Variants in YAP1 observed in about 807,000 individuals in gnomAD.
YAP1 encodes transcriptional coactivator YAP1.
Under a neutral mutation model 56.9 loss-of-function variants are expected in YAP1, and 5 were observed. The observed-to-expected ratio is 0.09, with a 90% CI of 0.05 to 0.18. The LOEUF (loss-of-function observed/expected upper bound fraction) is 0.18. YAP1 is among the 10% of genes least tolerant of loss of function. The pLI is 1.00. For missense variants in YAP1, 539 were observed against 651.8 expected (o/e 0.83, Z 1.88); for synonymous variants, 265 against 248.1 (o/e 1.07, Z -0.64).
intron 6 of YAP1, among the ~76,000 whole-genome samples, chr11:102,217,201 A>C (rs759545095): frequency 2.6e-5 from 4 of 152,202 alleles, no homozygotes; most frequent in Admixed American, 6.5e-5. Flanking sequence ...AATTTCCCAG[A>C]AGTCAAAAAA....
intron 2 of YAP1, among the ~76,000 whole-genome samples, chr11:102,117,944 A>G (rs903325253): frequency 2.0e-5 from 3 of 152,194 alleles, no homozygotes; most frequent in Non-Finnish European, 2.9e-5. Flanking sequence ...TAGTTGGTCA[A>G]CAACTTCCTA....
intron 3 of YAP1, among the ~76,000 whole-genome samples, chr11:102,183,413 T>G (rs1283315509): frequency 6.6e-6 from 1 of 152,128 alleles, no homozygotes; most frequent in Non-Finnish European, 1.5e-5. Flanking sequence ...AATGACATGT[T>G]TAAAAGATGA....
At chr11:102,172,861 A>G (rs1946997643) in intron 3 of YAP1, among the ~76,000 whole-genome samples, 1 of 152,166 alleles carries the variant, frequency 6.6e-6, no homozygotes, top group African/African-American at 2.4e-5. Context: ...CCATGTGAAT[A>G]TCTGGGGAAG....
At chr11:102,142,762 T>C (rs538802832) in intron 2 of YAP1, among the ~76,000 whole-genome samples, 1 of 152,374 alleles carries the variant, frequency 6.6e-6, no homozygotes, top group African/African-American at 2.4e-5. Context: ...AATTTTTTTT[T>C]ATTTTATGAG....
At chr11:102,210,447 G>A (rs1949341540) in intron 6 of YAP1, among the ~76,000 whole-genome samples, 2 of 152,186 alleles carry the variant, frequency 1.3e-5, no homozygotes, top group Admixed American at 1.3e-4. Flanking sequence ...TTGTCCGTTG[G>A]AGCACCATGA....
intron 2 of YAP1, among the ~76,000 whole-genome samples, chr11:102,144,879 TACA>T (rs1945236299): frequency 2.8e-5 from 1 of 35,748 alleles, no homozygotes; most frequent in South Asian, 3.1e-3. Context: ...CACACACACA[TACA>T]CACACTCATG....
intron 2 of YAP1, among the ~76,000 whole-genome samples, chr11:102,125,626 A>T (rs1004431055): frequency 6.6e-6 from 1 of 151,692 alleles, no homozygotes; most frequent in Non-Finnish European, 1.5e-5. Context: ...TGATCCGCCT[A>T]CCTCAGCCTC....
chr11:102,207,021 T>C lies in YAP1; in HGVS notation c.984+947T>C, dbSNP rs113159606. ...TGTTGGTTTTTATGTTCCTAATATA[T>C]ATAATTAATCTCAACATTAATTTTT... On this transcript the variant is annotated intron_variant, in intron 5 of 8. Transcript: ENST00000282441. Among the ~76,000 whole-genome samples, 881 of 152,330 alleles carry C rather than the reference T, an allele frequency of 5.8e-3. 8 individuals carry two copies. Among genetic ancestry groups the C allele is most frequent in the African/African-American group, 0.02 (842 of 41,556 alleles).
At chr11:102,121,598 C>T (rs541737858) in intron 2 of YAP1, among the ~76,000 whole-genome samples, 3 of 152,168 alleles carry the variant, frequency 2.0e-5, no homozygotes, top group African/African-American at 7.2e-5. Context: ...CCTCCCATGC[C>T]ACCACCCCAT....
At chr11:102,216,681 TAAG>T (rs1949687427) in intron 6 of YAP1, among the ~76,000 whole-genome samples, 2 of 152,214 alleles carry the variant, frequency 1.3e-5, no homozygotes, top group African/African-American at 4.8e-5. Flanking sequence ...CGTCTATCTC[TAAG>T]AAGTTTTTGG....
chr11:102,145,077 A>G (rs1273082563), intron 2 of YAP1, among the ~76,000 whole-genome samples: 1 of 152,204 alleles, frequency 6.6e-6, no homozygotes, highest in Non-Finnish European at 1.5e-5. Context: ...TAAGGCTGTC[A>G]TTTAATGCCT....
At chr11:102,186,313 A>T (rs1225130724) in intron 4 of YAP1, 182 bp downstream of exon 4, 4 of 665,556 alleles carry the variant, frequency 6.0e-6, no homozygotes, top group Non-Finnish European at 9.5e-6. Flanking sequence ...AGAAATTTAG[A>T]TCTGAATCAG....
At chr11:102,151,060 C>A (rs1945625850) in intron 2 of YAP1, among the ~76,000 whole-genome samples, 1 of 151,894 alleles carries the variant, frequency 6.6e-6, no homozygotes, top group South Asian at 2.1e-4. Flanking sequence ...GAATGCCTGA[C>A]CCCGTGATTT....
At chr11:102,183,163 T>C (rs1947730758) in intron 3 of YAP1, among the ~76,000 whole-genome samples, 1 of 152,162 alleles carries the variant, frequency 6.6e-6, no homozygotes, top group Non-Finnish European at 1.5e-5. Flanking sequence ...ATGGAAAGGC[T>C]GAATTAAAGA....
At chr11:102,117,241 T>A (rs1041122763) in intron 2 of YAP1, among the ~76,000 whole-genome samples, 11 of 152,208 alleles carry the variant, frequency 7.2e-5, no homozygotes, top group African/African-American at 2.7e-4. Context: ...TAATCAATAT[T>A]TATATACTTT....
chr11:102,197,321 G>A (rs1272710020), intron 4 of YAP1, among the ~76,000 whole-genome samples: 3 of 152,100 alleles, frequency 2.0e-5, no homozygotes, highest in Non-Finnish European at 2.9e-5. Context: ...CTTAAGAATC[G>A]TTTATTATTG....
intron 2 of YAP1, among the ~76,000 whole-genome samples, chr11:102,133,124 C>T (rs2135242341): frequency 6.6e-6 from 1 of 152,214 alleles, no homozygotes; most frequent in South Asian, 2.1e-4. Context: ...CGCCACTGCA[C>T]TCCAGCCTGG....
chr11:102,220,194 T>C (rs1245349917), intron 6 of YAP1, among the ~76,000 whole-genome samples: 5 of 151,928 alleles, frequency 3.3e-5, no homozygotes, highest in African/African-American at 1.2e-4. Flanking sequence ...ACCTTGTCTC[T>C]ACAAAAAAAT....
chr11:102,148,333 AG>A (rs1945436058), intron 2 of YAP1, among the ~76,000 whole-genome samples: 1 of 152,204 alleles, frequency 6.6e-6, no homozygotes, highest in African/African-American at 2.4e-5. Flanking sequence ...AGCTGAAATA[AG>A]TGTACATTTA....
Sources: allele counts gnomAD v4.1 joint callset (sites outside exome capture counted in the v4.1 genomes callset), GRCh38; gene constraint gnomAD v4.1.1; transcripts MANE v1.5; gene names NCBI Gene and HGNC (gene_info 2026-07-23, HGNC 2026-07-21).